Variants in RARB observed in about 807,000 individuals in gnomAD.
The protein encoded by RARB is HBV-activated protein.
A neutral mutation model predicts 51.9 loss-of-function variants in RARB; 17 were observed. That is an observed-to-expected ratio of 0.33 (90% CI 0.22 to 0.49). The LOEUF is 0.49. RARB is among the 20% of genes least tolerant of loss of function. The pLI is 0.99. For synonymous variants in RARB, 215 were observed against 195.4 expected, an observed-to-expected ratio of 1.10 and a Z score of -0.84; for missense variants, 369 against 550.8, an observed-to-expected ratio of 0.67 and a Z score of 3.30.
chr3:25,246,545 G>C (rs1466143507), intron 5 of RARB, among the ~76,000 whole-genome samples: 1 of 152,086 alleles, frequency 6.6e-6, no homozygotes, highest in Non-Finnish European at 1.5e-5. Flanking sequence ...ATTCCTTTCT[G>C]TTTGTTAGTT....
At chr3:25,013,464 T>C (rs1421213621) in intron 2 of RARB, among the ~76,000 whole-genome samples, 3 of 152,128 alleles carry the variant, frequency 2.0e-5, no homozygotes, top group Admixed American at 6.6e-5. Context: ...CCATCTCATC[T>C]TCTAACTTTG....
intron 5 of RARB, among the ~76,000 whole-genome samples, chr3:25,254,364 G>C (rs567464557): frequency 8.6e-5 from 13 of 151,994 alleles, no homozygotes; most frequent in Non-Finnish European, 1.2e-4. Flanking sequence ...TTTAGTCTTG[G>C]AGTTTCTGTA....
chr3:25,461,951 C>G (rs1321552050), intron 2 of RARB, among the ~76,000 whole-genome samples: 2 of 152,202 alleles, frequency 1.3e-5, no homozygotes, highest in Admixed American at 6.5e-5. Flanking sequence ...AAGCATCGTT[C>G]TTTTTCTCTT....
intron 2 of RARB, among the ~76,000 whole-genome samples, chr3:24,950,726 A>AAAGT (rs71295100): frequency 0.25 from 37,463 of 149,318 alleles, 4,995 homozygotes; most frequent in East Asian, 0.42. Flanking sequence ...AAAAAAAAAA[A>AAAGT]AGGTGATTTG....
intron 4 of RARB, among the ~76,000 whole-genome samples, chr3:25,571,399 G>C (rs758630328): frequency 6.6e-6 from 1 of 152,180 alleles, no homozygotes; most frequent in Non-Finnish European, 1.5e-5. Context: ...CAAATGAGCC[G>C]GGCTTTGAGA....
rs540601668 is a variant in RARB, at chr3:24,906,234, A to G, written c.-380+47482A>G. ...TGGGTAGAAGTAGTCTATTTGGGAGAGTATATGAGGTTTCAGGGAGAGTTT... is the reference window on the plus strand; with the variant it reads ...TGGGTAGAAGTAGTCTATTTGGGAGGGTATATGAGGTTTCAGGGAGAGTTT... On this transcript the variant is annotated intron_variant, in intron 2 of 11. Coordinates refer to the RARB transcript ENST00000383772. Among the ~76,000 whole-genome samples, 36 of 152,164 alleles carry G rather than the reference A, an allele frequency of 2.4e-4. No individual in the cohort carries two copies. The South Asian group carries it at 7.0e-3, about 30-fold the overall frequency.
chr3:25,166,058 C>A (rs1011876346), intron 4 of RARB, among the ~76,000 whole-genome samples: 3 of 151,790 alleles, frequency 2.0e-5, no homozygotes, highest in African/African-American at 7.3e-5. Flanking sequence ...TTTCATCCTC[C>A]CTCACTCGGT....
At chr3:25,572,414 G>T (rs957340690) in intron 4 of RARB, among the ~76,000 whole-genome samples, 12 of 152,108 alleles carry the variant, frequency 7.9e-5, no homozygotes, top group African/African-American at 2.7e-4. Flanking sequence ...CTGTGATTTG[G>T]GTTTCGTTGC....
intron 5 of RARB, among the ~76,000 whole-genome samples, chr3:25,249,084 A>G (rs752839914): frequency 2.2e-4 from 34 of 151,962 alleles, no homozygotes; most frequent in Non-Finnish European, 4.4e-5. Context: ...ATATTTGGTC[A>G]CTTTATGGCA....
chr3:25,517,304 T>C (rs1044987450), intron 3 of RARB, among the ~76,000 whole-genome samples: 3 of 152,142 alleles, frequency 2.0e-5, no homozygotes, highest in Non-Finnish European at 4.4e-5. Context: ...AGTAAAAAGA[T>C]AAATAGCTCA....
chr3:25,544,592 C>T (rs1699534000), intron 3 of RARB, among the ~76,000 whole-genome samples: 1 of 152,190 alleles, frequency 6.6e-6, no homozygotes, highest in Non-Finnish European at 1.5e-5. Flanking sequence ...CCTCTTCCTT[C>T]TCCTGGTAGA....
At chr3:25,184,457 A>G (rs1700930263) in intron 5 of RARB, among the ~76,000 whole-genome samples, 1 of 152,034 alleles carries the variant, frequency 6.6e-6, no homozygotes, top group African/African-American at 2.4e-5. Flanking sequence ...GTTAACTCAA[A>G]ACTAATCATT....
intron 2 of RARB, among the ~76,000 whole-genome samples, chr3:24,993,305 T>G (rs1696953219): frequency 6.6e-6 from 1 of 152,172 alleles, no homozygotes. Context: ...AGAAGCATAG[T>G]TTTAATTTTT....
chr3:25,433,506 T>TGC (rs1708292143), intron 1 of RARB, among the ~76,000 whole-genome samples: 1 of 152,192 alleles, frequency 6.6e-6, no homozygotes, highest in East Asian at 1.9e-4. Flanking sequence ...CACCTGTGTG[T>TGC]GCGTGGACAG....
chr3:24,900,929 T>C (rs1703592410), intron 2 of RARB, among the ~76,000 whole-genome samples: 1 of 152,220 alleles, frequency 6.6e-6, no homozygotes, highest in African/African-American at 2.4e-5. Flanking sequence ...ATGGGATGCA[T>C]ACATACAAGA....
At chr3:25,003,194 C>CAAAAA (rs565249387) in intron 2 of RARB, among the ~76,000 whole-genome samples, 9 of 89,558 alleles carry the variant, frequency 1.0e-4, no homozygotes, top group Admixed American at 4.7e-4. Flanking sequence ...GATCATAATG[C>CAAAAA]AAAAAAAAAA....
Position 24,945,645 on chromosome 3 carries a change from C to G in RARB, c.-380+86893C>G, listed in dbSNP as rs1420791414. Among the ~76,000 whole-genome samples, 5 of 152,330 alleles carry G rather than the reference C, an allele frequency of 3.3e-5. No individual in the cohort carries two copies. The South Asian group carries it at 1.0e-3, about 32-fold the overall frequency. On this transcript the variant is annotated intron_variant, in intron 2 of 11. Coordinates refer to the RARB transcript ENST00000383772. ...TTCCAGAATCTTATCCTTGGCGATC[C>G]TCTTTGGCAAGAATTAAAAGGGAAT...
intron 3 of RARB, among the ~76,000 whole-genome samples, chr3:25,116,444 T>C (rs571337210): frequency 6.6e-6 from 1 of 151,672 alleles, no homozygotes; most frequent in Admixed American, 6.6e-5. Context: ...AAAAAACGAG[T>C]CGAGAATATA....
At chr3:25,309,569 C>T (rs1704239404) in intron 5 of RARB, among the ~76,000 whole-genome samples, 1 of 143,002 alleles carries the variant, frequency 7.0e-6, no homozygotes, top group Non-Finnish European at 1.5e-5. Context: ...GTGATCTCAG[C>T]TCACTGCAAC....
Sources: gnomAD v4.1 joint callset for allele counts (sites outside exome capture counted in the v4.1 genomes callset) on GRCh38, gnomAD v4.1.1 for gene constraint, MANE v1.5 for transcripts, NCBI Gene and HGNC (gene_info 2026-07-23, HGNC 2026-07-21) for gene names.